The following NUDT19 variants were observed in gnomAD, a reference collection of about 807,000 sequenced individuals.
NUDT19 encodes the protein acyl-coenzyme A diphosphatase NUDT19.
In NUDT19, 31 loss-of-function variants were observed where a neutral mutation model predicts 22.2. The observed-to-expected ratio is 1.40, with a 90% confidence interval of 1.05 to 1.89. The LOEUF (loss-of-function observed/expected upper bound fraction) is 1.89. Among genes scored for constraint, NUDT19 ranks in the 40% most tolerant of loss-of-function variants. The pLI, the probability that NUDT19 is intolerant of heterozygous loss-of-function variation, is 0.00. For synonymous variants in NUDT19, 325 were observed against 230.8 expected, an observed-to-expected ratio of 1.41 and a Z score of -3.70; for missense variants, 752 against 514.2, an observed-to-expected ratio of 1.46 and a Z score of -4.47.
rs148707543 is a variant in NUDT19 at position 32,695,056 on chromosome 19, C to A, written c.714+2382C>A. On this transcript the variant is annotated intron_variant, in intron 1 of 2. Coordinates refer to ENST00000397061, the MANE Select transcript of NUDT19 (RefSeq NM_001105570.2). ...GGGTTAAGGATTTTTGATAGGAAGGCTACAGGTTGTCAGTGGCCTCAGTGC... is the reference window on the plus strand; with the variant it reads ...GGGTTAAGGATTTTTGATAGGAAGGATACAGGTTGTCAGTGGCCTCAGTGC... Among the ~76,000 whole-genome samples the A allele has an allele frequency of 8.4e-4, 128 of 152,340 alleles. 1 individual carries two copies. The South Asian group carries it at 8.5e-3, about 10-fold the overall frequency.
chr19:32,692,456 TC>T lies in NUDT19; in HGVS notation c.498del (p.Trp167GlyfsTer98). Reference protein sequence around the residue: ...LALEPPPGLASWRDRVRQDPR... With the variant: ...LALEPPPGLAXWRDRVRQDPR... ...CCTGGAGCCACCGCCGGGCCTGGCC[TC>T]CTGGCGCGACCGCGTGCGCCAGGAC... On this transcript the variant is annotated frameshift_variant, in exon 1 of 3. Coordinates refer to ENST00000397061, the MANE Select transcript of NUDT19 (RefSeq NM_001105570.2). LOFTEE classifies it high-confidence loss of function. The T allele has an allele frequency of 1.9e-6, 3 of 1,546,808 alleles. No homozygotes were observed. Among genetic ancestry groups the T allele is most frequent in the Non-Finnish European group, 2.6e-6 (3 of 1,151,106 alleles).
chr19:32,693,379 C>T (rs942997436), intron 1 of NUDT19, among the ~76,000 whole-genome samples: 1 of 152,140 alleles, frequency 6.6e-6, no homozygotes, highest in Non-Finnish European at 1.5e-5. Flanking sequence ...TTTGTGGTCT[C>T]GCTGGCTTCA....
chr19:32,692,077 C>A lies in NUDT19; in HGVS notation c.117C>A (p.Ala39=), dbSNP rs1968189380. ...CCCCGCCGTCGCGCCCGCCGCCGGC[C>A]GAGGGCTTCCGGCTGCTGCTGCTGC... ...TATPPSRPPP[A]EGFRLLLLQR... Residue 39 remains alanine, a synonymous_variant, in exon 1 of 3, where the codon GCC becomes GCA. Transcript: ENST00000397061. 1.5e-6 allele frequency: 2 copies of A among 1,318,918 alleles called. No individual in the cohort carries two copies. The highest frequency in any genetic ancestry group is 2.2e-5 in the South Asian group (1 of 45,938). 81.7% of individuals were successfully genotyped at this position (1,318,918 alleles called of 1,614,324 possible). A position where few individuals can be genotyped will look rare whatever the true frequency, so the allele number is the denominator to read the frequency against.
chr19:32,706,757 G>GCA (rs1968391577), intron 1 of NUDT19, among the ~76,000 whole-genome samples: 4 of 152,304 alleles, frequency 2.6e-5, no homozygotes, highest in Non-Finnish European at 4.4e-5. Flanking sequence ...TATCATAGGT[G>GCA]TGTATGTGTA....
At chr19:32,697,504 A>G (rs1968278380) in intron 1 of NUDT19, among the ~76,000 whole-genome samples, 1 of 152,108 alleles carries the variant, frequency 6.6e-6, no homozygotes. Flanking sequence ...GCTTTTTCCT[A>G]ATACTCCTTA....
At chr19:32,694,044 C>A (rs532067717) in intron 1 of NUDT19, among the ~76,000 whole-genome samples, 33 of 152,284 alleles carry the variant, frequency 2.2e-4, no homozygotes, top group Non-Finnish European at 4.6e-4. Context: ...GTTAGTTGAG[C>A]TCATTTGGGT....
At chr19:32,697,510 CCTTAGTCCTT>C (rs1363997258) in intron 1 of NUDT19, among the ~76,000 whole-genome samples, 1 of 152,146 alleles carries the variant, frequency 6.6e-6, no homozygotes, top group Non-Finnish European at 1.5e-5. Flanking sequence ...TCCTAATACT[CCTTAGTCCTT>C]CTAGAACACA....
At position 32,692,674 on chromosome 19, in the gene NUDT19, G is replaced by C. The variant is rs775806794; in HGVS notation, c.714G>C (p.Gln238His). Residue 238 changes from glutamine (Q) to histidine (H), a missense_variant and splice_region_variant, in exon 1 of 3, where the codon CAG becomes CAC. Transcript: ENST00000397061. ...ACTTGGCGGAGGTGGTGGGCTACCA[G>C]GTAAGGCCTGCTCAGGGCCTTGCTG... is the stretch of plus-strand genomic sequence containing the variant. ...YPDLAEVVGY[Q>H]WSSPSEATES... 7.4e-6 allele frequency: 11 copies of C among 1,494,208 alleles called. No individual in the cohort carries two copies. The highest frequency in any genetic ancestry group is 9.7e-6 in the Non-Finnish European group (11 of 1,129,664). 92.6% of individuals were successfully genotyped at this position (1,494,208 alleles called of 1,614,324 possible).
intron 2 of NUDT19, 24 bp from the exon 3 acceptor site, chr19:32,711,728 A>G: frequency 7.3e-7 from 1 of 1,364,376 alleles, no homozygotes; most frequent in Non-Finnish European, 1.0e-6. Context: ...TTTAAAAATA[A>G]AATCAGATTT....
rs61732600 is a variant in NUDT19 at position 32,692,446 on chromosome 19, G to T, written c.486G>T (p.Pro162=). The change falls in exon 1 of 3, where the codon CCG becomes CCT. Residue 162 remains proline (P), a synonymous_variant. Coordinates refer to ENST00000397061, the MANE Select transcript of NUDT19 (RefSeq NM_001105570.2). ...PGPGLALEPP[P]GLASWRDRVR... is the part of the protein sequence containing the mutation. ...CTGGCCTCGCCCTGGAGCCACCGCC[G>T]GGCCTGGCCTCCTGGCGCGACCGCG... 3 of 1,543,094 alleles carry T rather than the reference G, an allele frequency of 1.9e-6. No homozygotes were observed. The highest frequency in any genetic ancestry group is 2.0e-5 in the Admixed American group (1 of 50,902).
chr19:32,702,123 C>G (rs1169975228), intron 1 of NUDT19, among the ~76,000 whole-genome samples: 5 of 152,150 alleles, frequency 3.3e-5, no homozygotes, highest in South Asian at 4.1e-4. Flanking sequence ...TTACAGACTC[C>G]CAGGAGAGTG....
In NUDT19 at chr19:32,709,168, G is replaced by A. The variant is rs201784396; in HGVS notation, c.715-17G>A. 10 of 1,585,118 alleles carry A rather than the reference G, an allele frequency of 6.3e-6. No homozygotes were observed. In the African/African-American group the frequency reaches 1.2e-4, roughly 19 times the overall value. ...TATGGCATAAACCTTAAGAAACCCT[G>A]CCTTTGTCTTTCACAGTGGTCATCT... On this transcript the variant is annotated splice_polypyrimidine_tract_variant and intron_variant, in intron 1 of 2. Coordinates refer to ENST00000397061, the MANE Select transcript of NUDT19 (RefSeq NM_001105570.2).
chr19:32,692,839 G>A (rs1169694770), intron 1 of NUDT19, among the ~76,000 whole-genome samples, 165 bp downstream of exon 1: 1 of 152,230 alleles, frequency 6.6e-6, no homozygotes, highest in African/African-American at 2.4e-5. Context: ...GTAGACCAAA[G>A]CCATGCTCTT....
At position 32,692,064 on chromosome 19, in the gene NUDT19, G is replaced by A. The variant is rs531356272; in HGVS notation, c.104G>A (p.Arg35His). Residue 35 changes from arginine to histidine, a missense_variant, in exon 1 of 3, where the codon CGC (arginine) becomes CAC (histidine). Arg to His is a conservative substitution (Grantham distance 29). Transcript: ENST00000397061. ...SRPETATPPS[R>H]PPPAEGFRLL... is the part of the protein sequence containing the mutation. ...CCGGAGACCGCCACCCCGCCGTCGC[G>A]CCCGCCGCCGGCCGAGGGCTTCCGG... 10 of 1,293,326 alleles carry A rather than the reference G, an allele frequency of 7.7e-6. No homozygotes were observed. In the East Asian group the frequency reaches 1.9e-4, roughly 25 times the overall value. 80.1% of individuals were successfully genotyped at this position (1,293,326 alleles called of 1,614,324 possible).
At chr19:32,711,603 G>A (rs1968448123) in intron 2 of NUDT19, 149 bp from the exon 3 acceptor site, 2 of 608,084 alleles carry the variant, frequency 3.3e-6, no homozygotes, top group Non-Finnish European at 5.8e-6. Flanking sequence ...CCAAACATAT[G>A]AAATAGATAA....
chr19:32,692,652 T>G lies in NUDT19; in HGVS notation c.692T>G (p.Leu231Trp), dbSNP rs1237745006. The G allele has an allele frequency of 1.3e-6, 2 of 1,515,766 alleles. No individual in the cohort carries two copies. The highest frequency in any genetic ancestry group is 2.1e-5 in the Admixed American group (1 of 47,390). The allele number at this position is 1,515,766 out of a possible 1,614,324, so 93.9% of individuals were successfully genotyped here. ...GAGCCGCCGCCCGTCTACCCCGACT[T>G]GGCGGAGGTGGTGGGCTACCAGGTA... ...LREPPPVYPD[L>W]AEVVGYQWSS... is the part of the protein sequence containing the mutation. Residue 231 changes from leucine (L) to tryptophan (W), a missense_variant, in exon 1 of 3, where the codon TTG becomes TGG. Transcript: ENST00000397061.
rs1311450275 is a variant in NUDT19 at position 32,692,479 on chromosome 19, G to C, written c.519G>C (p.Gln173His). The change falls in exon 1 of 3, where the codon CAG becomes CAC. Residue 173 changes from glutamine to histidine, a missense_variant. Coordinates refer to ENST00000397061, the MANE Select transcript of NUDT19 (RefSeq NM_001105570.2). ...GLASWRDRVR[Q>H]DPRHFLRLCA... ...CCTCCTGGCGCGACCGCGTGCGCCA[G>C]GACCCGCGCCACTTCCTGCGGCTGT... 6.4e-7 allele frequency: 1 copy of C among 1,551,826 alleles called. No homozygotes were observed. Among genetic ancestry groups the C allele is most frequent in the African/African-American group, 1.4e-5 (1 of 71,652 alleles).
intron 1 of NUDT19, among the ~76,000 whole-genome samples, chr19:32,696,111 C>T (rs138434968): frequency 0.011 from 1,657 of 152,264 alleles, 38 homozygotes; most frequent in African/African-American, 0.038. Flanking sequence ...ATGCTTGACC[C>T]GCTCCCTATC....
intron 2 of NUDT19, among the ~76,000 whole-genome samples, chr19:32,710,708 A>G (rs552839468): frequency 8.7e-4 from 132 of 152,126 alleles, no homozygotes; most frequent in Middle Eastern, 6.8e-3. Flanking sequence ...GGCCTGACCA[A>G]CATGGAGAAA....
Sources: allele counts gnomAD v4.1 joint callset (sites outside exome capture counted in the v4.1 genomes callset), GRCh38; gene constraint gnomAD v4.1.1; transcripts MANE v1.5; gene names NCBI Gene and HGNC (gene_info 2026-07-23, HGNC 2026-07-21).